PEBP4: variants seen among roughly 807,000 people sequenced by gnomAD.
PEBP4 encodes the protein phosphatidylethanolamine-binding protein 4.
Under a neutral mutation model 23.9 loss-of-function variants are expected in PEBP4, and 22 were observed. The observed-to-expected ratio is 0.92, with a 90% CI of 0.66 to 1.31. PEBP4 has a LOEUF of 1.31. PEBP4 is among the 40% of genes most tolerant of loss of function. The pLI is 0.00. For synonymous variants in PEBP4, 112 were observed against 99.3 expected, an observed-to-expected ratio of 1.13 and a Z score of -0.76; for missense variants, 324 against 281.7, an observed-to-expected ratio of 1.15 and a Z score of -1.07.
At chr8:22,884,173 G>GGCTCCCACACAGAGA (rs1376169118) in intron 3 of PEBP4, 1 of 152,126 alleles carries the variant, frequency 6.6e-6, no homozygotes, top group African/African-American at 2.4e-5. Flanking sequence ...CTGCAGAGAG[G>GGCTCCCACACAGAGA]GCTCCCACAC....
intron 2 of PEBP4, chr8:22,925,464 G>T (rs1186646750): frequency 2.3e-6 from 1 of 438,278 alleles, no homozygotes; most frequent in Non-Finnish European, 3.0e-6. Context: ...AATCTCTGGG[G>T]ATTCTTCATC....
intron 3 of PEBP4, among the ~76,000 whole-genome samples, chr8:22,845,605 G>A (rs1259377463): frequency 6.6e-6 from 1 of 152,192 alleles, no homozygotes; most frequent in African/African-American, 2.4e-5. Context: ...GCCATTCCAT[G>A]AGTCTGTGTA....
chr8:22,929,087 C>T (rs1809412621), upstream of PEBP4, among the ~76,000 whole-genome samples: 2 of 152,330 alleles, frequency 1.3e-5, no homozygotes, highest in Middle Eastern at 3.4e-3. Flanking sequence ...TAGTAGCCTC[C>T]TCACAAGATC....
At chr8:22,783,685 T>C (rs1398084720) in intron 4 of PEBP4, among the ~76,000 whole-genome samples, 1 of 152,206 alleles carries the variant, frequency 6.6e-6, no homozygotes, top group East Asian at 1.9e-4. Flanking sequence ...TTTTGTTTTG[T>C]TTTGTTTGAG....
chr8:22,862,725 C>T (rs980864492), intron 3 of PEBP4, among the ~76,000 whole-genome samples: 2 of 151,974 alleles, frequency 1.3e-5, no homozygotes, highest in Non-Finnish European at 2.9e-5. Flanking sequence ...AAGTCACAAC[C>T]TCCCTATGGC....
chr8:22,819,751 C>T (rs946570225), intron 3 of PEBP4, among the ~76,000 whole-genome samples: 10 of 152,180 alleles, frequency 6.6e-5, no homozygotes, highest in Non-Finnish European at 1.2e-4. Flanking sequence ...GGACTACAGG[C>T]GCCCGCCACC....
intron 3 of PEBP4, among the ~76,000 whole-genome samples, chr8:22,859,157 G>A (rs1807714379): frequency 6.6e-6 from 1 of 152,104 alleles, no homozygotes; most frequent in African/African-American, 2.4e-5. Flanking sequence ...GAGAAGCCCA[G>A]CCTATAAAGC....
intron 4 of PEBP4, among the ~76,000 whole-genome samples, chr8:22,773,804 C>T (rs922453969): frequency 5.3e-5 from 8 of 152,148 alleles, no homozygotes; most frequent in Non-Finnish European, 1.0e-4. Flanking sequence ...GCTTGCTGTT[C>T]CAACCGTGGG....
chr8:22,833,064 C>A (rs1261437983), intron 3 of PEBP4, among the ~76,000 whole-genome samples: 3 of 152,224 alleles, frequency 2.0e-5, no homozygotes, highest in African/African-American at 7.2e-5. Flanking sequence ...CTAGCAAAAA[C>A]CACAATAAAG....
At chr8:22,750,492 G>T (rs1309797267) in intron 4 of PEBP4, among the ~76,000 whole-genome samples, 1 of 152,240 alleles carries the variant, frequency 6.6e-6, no homozygotes, top group Non-Finnish European at 1.5e-5. Flanking sequence ...TATCTGGGCA[G>T]AATTTTTTCT....
chr8:22,894,805 G>C (rs1563252398), intron 3 of PEBP4, among the ~76,000 whole-genome samples: 1 of 152,168 alleles, frequency 6.6e-6, no homozygotes, highest in Admixed American at 6.5e-5. Context: ...GACTGGGAAA[G>C]ATGGAACCCT....
intron 3 of PEBP4, chr8:22,895,492 C>T (rs545109478): frequency 6.2e-4 from 94 of 152,294 alleles, no homozygotes; most frequent in African/African-American, 2.2e-3. Context: ...TGGTTTTTAG[C>T]AGTTTGATCA....
intron 2 of PEBP4, among the ~76,000 whole-genome samples, chr8:22,922,817 C>T (rs920129085): frequency 1.3e-5 from 2 of 151,106 alleles, no homozygotes; most frequent in African/African-American, 4.9e-5. Flanking sequence ...TGGAATTCTT[C>T]TAATTTCCAT....
intron 1 of PEBP4, among the ~76,000 whole-genome samples, chr8:22,940,501 TTTTTC>T (rs1025245080): frequency 2.1e-5 from 3 of 144,206 alleles, no homozygotes; most frequent in African/African-American, 7.8e-5. Context: ...TTTTTTTTTT[TTTTTC>T]GAGACGGAGT....
chr8:22,848,770 G>A (rs1475204564), intron 3 of PEBP4, among the ~76,000 whole-genome samples: 6 of 152,190 alleles, frequency 3.9e-5, no homozygotes, highest in South Asian at 4.1e-4. Flanking sequence ...GGGAAGAGAC[G>A]ATGATGAGTG....
At chr8:22,878,746 G>T (rs1808181799) in intron 3 of PEBP4, among the ~76,000 whole-genome samples, 1 of 152,184 alleles carries the variant, frequency 6.6e-6, no homozygotes, top group Non-Finnish European at 1.5e-5. Flanking sequence ...GGAGCTCAGG[G>T]AACAGAGAGC....
chr8:22,828,628 G>A (rs182911392), intron 3 of PEBP4, among the ~76,000 whole-genome samples: 53 of 152,094 alleles, frequency 3.5e-4, no homozygotes, highest in African/African-American at 1.2e-3. Flanking sequence ...ATTGCACCCT[G>A]TTGCCTTCTC....
intron 2 of PEBP4, chr8:22,925,191 T>C: frequency 2.0e-6 from 2 of 985,418 alleles, no homozygotes; most frequent in Non-Finnish European, 2.4e-6. Flanking sequence ...AGCTCCTCTT[T>C]TGCGATGATG....
At chr8:22,793,230 C>G (rs1473846326) in intron 4 of PEBP4, among the ~76,000 whole-genome samples, 1 of 151,992 alleles carries the variant, frequency 6.6e-6, no homozygotes. Flanking sequence ...TACTCATATC[C>G]TTATATATTC....
Sources: allele counts gnomAD v4.1 joint callset (sites outside exome capture counted in the v4.1 genomes callset), GRCh38; gene constraint gnomAD v4.1.1; transcripts MANE v1.5; gene names NCBI Gene and HGNC (gene_info 2026-07-23, HGNC 2026-07-21).